ADSS2: variants seen among roughly 807,000 people sequenced by gnomAD.
ADSS2 encodes the protein adenylosuccinate synthetase isozyme 2.
A neutral mutation model predicts 60.0 loss-of-function variants in ADSS2; 30 were observed. The ratio of observed to expected loss-of-function variants is 0.50; its 90% CI spans 0.37 to 0.68. The LOEUF (loss-of-function observed/expected upper bound fraction) is 0.68. Ranked by LOEUF, ADSS2 falls within the 30% of genes least tolerant of loss-of-function variation. ADSS2 has a pLI of 0.00. For missense variants in ADSS2, 373 were observed against 554.8 expected, an observed-to-expected ratio of 0.67 and a Z score of 3.29; for synonymous variants, 187 against 193.1, an observed-to-expected ratio of 0.97 and a Z score of 0.26.
At chr1:244,411,518 G>A (rs1664418291) in intron 11 of ADSS2, 82 bp from the exon 12 acceptor site, 1 of 1,397,554 alleles carries the variant, frequency 7.2e-7, no homozygotes, top group African/African-American at 1.5e-5. Flanking sequence ...GGTTCAAAAT[G>A]TCTTTTCAAA....
intron 4 of ADSS2, among the ~76,000 whole-genome samples, chr1:244,429,673 A>G (rs1414287628): frequency 6.6e-6 from 1 of 152,120 alleles, no homozygotes; most frequent in Non-Finnish European, 1.5e-5. Flanking sequence ...TGAGGTCAGG[A>G]GTTCAAGACC....
chr1:244,429,811 G>A (rs1463892046), intron 4 of ADSS2, among the ~76,000 whole-genome samples: 2 of 152,118 alleles, frequency 1.3e-5, no homozygotes, highest in Admixed American at 6.5e-5. Flanking sequence ...GAACCCAGGA[G>A]GTGGAGGTTG....
intron 3 of ADSS2, among the ~76,000 whole-genome samples, chr1:244,435,734 G>A (rs1665084017): frequency 6.6e-6 from 1 of 152,106 alleles, no homozygotes; most frequent in African/African-American, 2.4e-5. Context: ...TGCTACTGAT[G>A]AGTAATCATT....
At chr1:244,423,680 A>G (rs948003705) in intron 6 of ADSS2, among the ~76,000 whole-genome samples, 3 of 152,330 alleles carry the variant, frequency 2.0e-5, no homozygotes, top group African/African-American at 4.8e-5. Context: ...TCTATTTCTC[A>G]GGAAACCATT....
chr1:244,444,875 C>A (rs1340091610), intron 1 of ADSS2, among the ~76,000 whole-genome samples: 1 of 152,116 alleles, frequency 6.6e-6, no homozygotes, highest in East Asian at 1.9e-4. Context: ...CTTCCTCATA[C>A]CTTATTTTCC....
intron 2 of ADSS2, 144 bp from the exon 3 acceptor site, chr1:244,437,037 C>A: frequency 1.6e-6 from 1 of 620,180 alleles, no homozygotes; most frequent in South Asian, 2.5e-5. Context: ...CATAATGGAA[C>A]ATAATATAGT....
intron 1 of ADSS2, among the ~76,000 whole-genome samples, chr1:244,445,358 T>C (rs1665358822): frequency 6.6e-6 from 1 of 152,248 alleles, no homozygotes; most frequent in Non-Finnish European, 1.5e-5. Flanking sequence ...TAGATATTAA[T>C]AACATTTTAT....
chr1:244,419,015 T>A (rs1017644671), intron 8 of ADSS2, 101 bp from the exon 9 acceptor site: 1 of 1,097,096 alleles, frequency 9.1e-7, no homozygotes, highest in African/African-American at 1.6e-5. Context: ...ATTATAGGTA[T>A]CTAACAGATC....
intron 1 of ADSS2, among the ~76,000 whole-genome samples, chr1:244,443,004 G>A (rs1451598563): frequency 9.9e-5 from 15 of 152,026 alleles, no homozygotes; most frequent in African/African-American, 3.4e-4. Context: ...GTATTAGAAG[G>A]GCAGATGGAG....
At chr1:244,410,786 T>C (rs2147983913) in intron 12 of ADSS2, among the ~76,000 whole-genome samples, 1 of 152,346 alleles carries the variant, frequency 6.6e-6, no homozygotes, top group South Asian at 2.1e-4. Flanking sequence ...TATTATCTTC[T>C]ATTTAAAGAT....
At chr1:244,417,065 C>G (rs184376989) in intron 10 of ADSS2, among the ~76,000 whole-genome samples, 1 of 152,182 alleles carries the variant, frequency 6.6e-6, no homozygotes, top group Non-Finnish European at 1.5e-5. Flanking sequence ...AACAACTTAA[C>G]TTTCCCTGAG....
chr1:244,411,025 G>C (rs1664400637), intron 12 of ADSS2, among the ~76,000 whole-genome samples: 1 of 152,084 alleles, frequency 6.6e-6, no homozygotes, highest in African/African-American at 2.4e-5. Context: ...GGAGAGACCA[G>C]CCTGGCCAAC....
rs1399820374 is a variant in ADSS2 at position 244,451,871 on chromosome 1, C to T, written c.-54G>A. On this transcript the variant is annotated 5_prime_UTR_variant, in exon 1 of 13. Coordinates refer to ENST00000366535, the MANE Select transcript of ADSS2 (RefSeq NM_001126.5). The surrounding 1 kb of genome is among the most constrained non-coding windows in gnomAD (Gnocchi z 6.6). The stretch of plus-strand genomic sequence containing the variant: ...GGAGAGGCGGCCGGCGAGGAGTGAG[C>T]GAACTGAACTGCTCTGCGGCCGCCA... 7 of 1,472,642 alleles carry T rather than the reference C, an allele frequency of 4.8e-6. No individual in the cohort carries two copies. The African/African-American group carries it at 8.5e-5, about 18-fold the overall frequency. 91.2% of individuals were successfully genotyped at this position (1,472,642 alleles called of 1,614,324 possible).
chr1:244,420,121 A>G, intron 8 of ADSS2, 49 bp downstream of exon 8: 1 of 1,564,800 alleles, frequency 6.4e-7, no homozygotes, highest in South Asian at 1.2e-5. Context: ...TATTTTAACT[A>G]CTTAGGGCTC....
intron 2 of ADSS2, 42 bp from the exon 3 acceptor site, chr1:244,436,935 C>T: frequency 6.5e-7 from 1 of 1,528,990 alleles, no homozygotes; most frequent in East Asian, 2.3e-5. Context: ...ACATCTATAA[C>T]TCAGACATAT....
At chr1:244,443,643 G>C (rs926842132) in intron 1 of ADSS2, among the ~76,000 whole-genome samples, 1 of 152,144 alleles carries the variant, frequency 6.6e-6, no homozygotes, top group African/African-American at 2.4e-5. Context: ...TTTTTGTGTA[G>C]CCTTTATACA....
In ADSS2 at chr1:244,420,265, C is replaced by G. The variant is rs760897311; in HGVS notation, c.695G>C (p.Arg232Thr). The G allele has an allele frequency of 6.2e-7, 1 of 1,613,482 alleles. No homozygotes were observed. The highest frequency in any genetic ancestry group is 1.7e-5 in the Admixed American group (1 of 59,980). Reference protein sequence around the residue: ...GYMEKIKPMVRDGVYFLYEAL... With the variant: ...GYMEKIKPMVTDGVYFLYEAL... Reference sequence around the variant, plus strand: ...CTCATATAGAAAATAAACTCCATCTCTCACCATTGGTTTAATCTTTTCCAT... The same window carrying G: ...CTCATATAGAAAATAAACTCCATCTGTCACCATTGGTTTAATCTTTTCCAT... Residue 232 changes from arginine to threonine, a missense_variant, in exon 8 of 13, where the codon AGA becomes ACA. This residue lies in a region of ADSS2 where 139 missense variants were observed against 189.4 expected (regional missense o/e 0.73). Transcript: ENST00000366535.
At chr1:244,434,249 G>A (rs950272499) in intron 3 of ADSS2, among the ~76,000 whole-genome samples, 12 of 151,588 alleles carry the variant, frequency 7.9e-5, no homozygotes, top group African/African-American at 2.4e-4. Context: ...CCAGCTACTC[G>A]GGAGGCCGAA....
rs542264771 is a variant in ADSS2 at position 244,424,729 on chromosome 1, T to G, written c.407-342A>C. 1.1e-3 allele frequency: 228 copies of G among 211,176 alleles called. 3 individuals are homozygous for G. In the South Asian group the frequency reaches 0.013, roughly 12 times the overall value. The allele number at this position is 211,176 out of a possible 1,614,324, so 13.1% of individuals were successfully genotyped here. ...CTGGACTCCAAGAATCTAGGGCTCA[T>G]GTTGACACCTCCCTTTTCCTCACTA... On this transcript the variant is annotated intron_variant, in intron 4 of 12. Coordinates refer to ENST00000366535, the MANE Select transcript of ADSS2 (RefSeq NM_001126.5).
Sources: allele counts gnomAD v4.1 joint callset (sites outside exome capture counted in the v4.1 genomes callset), GRCh38; gene constraint gnomAD v4.1.1; regional missense constraint gnomAD v4.1.1; non-coding constraint Gnocchi (gnomAD v3.1); transcripts MANE v1.5; gene names NCBI Gene and HGNC (gene_info 2026-07-23, HGNC 2026-07-21).